The following ARHGAP26 variants were observed in gnomAD, a reference collection of about 807,000 sequenced individuals.
ARHGAP26 encodes the protein rho GTPase-activating protein 26.
Under a neutral mutation model 104.8 loss-of-function variants are expected in ARHGAP26, and 38 were observed. That is an observed-to-expected ratio of 0.36 (90% CI 0.28 to 0.48). ARHGAP26 has a LOEUF of 0.48. Among genes scored for constraint, ARHGAP26 ranks in the 20% least tolerant of loss-of-function variants. The probability of loss-of-function intolerance (pLI) is 0.99; values close to 1 mark genes in which losing one functional copy is unlikely to be tolerated. For missense variants in ARHGAP26, 704 were observed against 947.9 expected (o/e 0.74, Z 3.38); for synonymous variants, 341 against 340.0 (o/e 1.00, Z -0.03).
intron 1 of ARHGAP26, among the ~76,000 whole-genome samples, chr5:142,809,907 A>G (rs904323976): frequency 2.0e-5 from 3 of 152,354 alleles, no homozygotes; most frequent in African/African-American, 7.2e-5. Context: ...CCCTTCTCTC[A>G]TGGATCTTAC....
At chr5:143,119,726 A>G (rs1795915036) in intron 17 of ARHGAP26, among the ~76,000 whole-genome samples, 1 of 152,210 alleles carries the variant, frequency 6.6e-6, no homozygotes, top group Non-Finnish European at 1.5e-5. Flanking sequence ...TTAAAGTTTC[A>G]TAAACCTAAC....
chr5:142,854,855 T>C (rs1379281492), intron 1 of ARHGAP26, among the ~76,000 whole-genome samples: 1 of 152,220 alleles, frequency 6.6e-6, no homozygotes, highest in African/African-American at 2.4e-5. Context: ...TGGGACTTTG[T>C]ATTTTTGTTT....
chr5:142,880,776 A>G (rs1756882494), intron 4 of ARHGAP26, among the ~76,000 whole-genome samples: 1 of 152,156 alleles, frequency 6.6e-6, no homozygotes, highest in Non-Finnish European at 1.5e-5. Flanking sequence ...CACCCCTACA[A>G]CACACACACC....
chr5:143,039,725 C>A (rs1783166989), intron 13 of ARHGAP26, among the ~76,000 whole-genome samples: 1 of 152,052 alleles, frequency 6.6e-6, no homozygotes, highest in East Asian at 1.9e-4. Context: ...GAAACCTAAT[C>A]ATTTAAAACT....
chr5:142,995,869 G>A (rs763182257), intron 11 of ARHGAP26, among the ~76,000 whole-genome samples: 3 of 152,170 alleles, frequency 2.0e-5, no homozygotes, highest in Non-Finnish European at 2.9e-5. Context: ...GTAGGGACAT[G>A]GTTGAAGCTG....
intron 1 of ARHGAP26, among the ~76,000 whole-genome samples, chr5:142,784,426 G>C (rs1026106787): frequency 6.6e-6 from 1 of 152,166 alleles, no homozygotes; most frequent in Non-Finnish European, 1.5e-5. Context: ...GCTTGAAACC[G>C]TACGTAATTT....
At chr5:143,159,488 C>A (rs1029639907) in intron 20 of ARHGAP26, among the ~76,000 whole-genome samples, 10 of 152,158 alleles carry the variant, frequency 6.6e-5, no homozygotes, top group African/African-American at 2.2e-4. Context: ...TTCAAAGGCA[C>A]ATTAAAGGGG....
intron 19 of ARHGAP26, among the ~76,000 whole-genome samples, chr5:143,142,931 C>G (rs1211425283): frequency 6.6e-6 from 1 of 152,108 alleles, no homozygotes; most frequent in Non-Finnish European, 1.5e-5. Context: ...GTTTGCCTTC[C>G]TATTTTTTTT....
rs532362091 is a variant in ARHGAP26, at chr5:142,984,333, G to A, written c.1108-29747G>A. Reference sequence around the variant, plus strand: ...TCTTGCTCCCACATATCAAGGGTCTGATTAAGGAAGAAAAGGAAACAGACA... The same window carrying A: ...TCTTGCTCCCACATATCAAGGGTCTAATTAAGGAAGAAAAGGAAACAGACA... On this transcript the variant is annotated intron_variant, in intron 11 of 22. Coordinates refer to ENST00000645722, the MANE Select transcript of ARHGAP26 (RefSeq NM_001135608.3). Among the ~76,000 whole-genome samples, 3 of 152,306 alleles carry A rather than the reference G, an allele frequency of 2.0e-5. No individual in the cohort carries two copies. In the South Asian group the frequency reaches 6.2e-4, roughly 32 times the overall value.
intron 19 of ARHGAP26, among the ~76,000 whole-genome samples, chr5:143,137,308 A>G (rs1430728270): frequency 6.6e-6 from 1 of 152,226 alleles, no homozygotes; most frequent in Non-Finnish European, 1.5e-5. Flanking sequence ...CTCTTAATTT[A>G]AGTATAGAAA....
rs1254419502 is a variant in ARHGAP26, at chr5:143,228,931, G to C, written c.*6485G>C. On this transcript the variant is annotated 3_prime_UTR_variant, in exon 23 of 23. Coordinates refer to ENST00000645722, the MANE Select transcript of ARHGAP26 (RefSeq NM_001135608.3). ...CTGAAACTTGGCTTTCTTACATGTG[G>C]TTGGTTTATGTGACAATCCCTATGA... The C allele has an allele frequency of 5.3e-6, 1 of 187,814 alleles. No homozygotes were observed. The highest frequency in any genetic ancestry group is 1.1e-5 in the Non-Finnish European group (1 of 89,050). The allele number at this position is 187,814 out of a possible 1,614,324, so 11.6% of individuals were successfully genotyped here.
intron 17 of ARHGAP26, among the ~76,000 whole-genome samples, chr5:143,069,932 G>C (rs1788014528): frequency 6.6e-6 from 1 of 151,962 alleles, no homozygotes; most frequent in Non-Finnish European, 1.5e-5. Flanking sequence ...CTGTTTTTTT[G>C]GGAGCTAGCA....
chr5:143,209,907 G>T (rs1213875773), intron 21 of ARHGAP26, among the ~76,000 whole-genome samples: 1 of 152,162 alleles, frequency 6.6e-6, no homozygotes, highest in South Asian at 2.1e-4. Context: ...GTACACTGTA[G>T]TGTATAGCAA....
intron 17 of ARHGAP26, among the ~76,000 whole-genome samples, chr5:143,117,471 T>G (rs2150761908): frequency 6.6e-6 from 1 of 152,282 alleles, no homozygotes; most frequent in South Asian, 2.1e-4. Flanking sequence ...AATAATCAAG[T>G]GATGGATCAA....
intron 1 of ARHGAP26, among the ~76,000 whole-genome samples, chr5:142,843,140 A>C (rs1402087685): frequency 6.6e-6 from 1 of 151,810 alleles, no homozygotes; most frequent in Non-Finnish European, 1.5e-5. Context: ...AATGTTCCCT[A>C]CCCCCTGTAA....
At chr5:143,014,656 T>G (rs764213875) in intron 12 of ARHGAP26, among the ~76,000 whole-genome samples, 1 of 152,220 alleles carries the variant, frequency 6.6e-6, no homozygotes, top group African/African-American at 2.4e-5. Flanking sequence ...CTGGGCAGCC[T>G]CTGTAGACTG....
intron 20 of ARHGAP26, among the ~76,000 whole-genome samples, chr5:143,185,191 TA>T (rs1335427713): frequency 6.6e-6 from 1 of 152,186 alleles, no homozygotes; most frequent in African/African-American, 2.4e-5. Flanking sequence ...AGTGAAAAAG[TA>T]TGTAAATTAT....
chr5:143,075,983 GC>G (rs1291343094), intron 17 of ARHGAP26, among the ~76,000 whole-genome samples: 8 of 151,858 alleles, frequency 5.3e-5, no homozygotes, highest in Non-Finnish European at 1.2e-4. Flanking sequence ...ATAGGCATGA[GC>G]CACTGTGCCT....
chr5:142,900,328 G>A (rs577619494), intron 6 of ARHGAP26, among the ~76,000 whole-genome samples: 12 of 152,234 alleles, frequency 7.9e-5, no homozygotes, highest in Admixed American at 5.9e-4. Context: ...ACTCATTCAC[G>A]GATTTATGTT....
Sources: allele counts gnomAD v4.1 joint callset (sites outside exome capture counted in the v4.1 genomes callset), GRCh38; gene constraint gnomAD v4.1.1; transcripts MANE v1.5; gene names NCBI Gene and HGNC (gene_info 2026-07-23, HGNC 2026-07-21).